PCSK5: variants seen among roughly 807,000 people sequenced by gnomAD.
PCSK5 encodes proprotein convertase subtilisin/kexin type 5.
A neutral mutation model predicts 233.2 loss-of-function variants in PCSK5; 129 were observed. That is an observed-to-expected ratio of 0.55 (90% CI 0.48 to 0.64). The LOEUF (loss-of-function observed/expected upper bound fraction) is 0.64, where lower values mean the gene tolerates loss of function less well. PCSK5 is among the 30% of genes least tolerant of loss of function. The pLI is 0.00. For missense variants in PCSK5, 2,076 were observed against 2,430.1 expected, an observed-to-expected ratio of 0.85 and a Z score of 3.06; for synonymous variants, 825 against 879.2, an observed-to-expected ratio of 0.94 and a Z score of 1.09.
At chr9:76,294,847 C>T (rs1828387217) in intron 25 of PCSK5, among the ~76,000 whole-genome samples, 1 of 152,052 alleles carries the variant, frequency 6.6e-6, no homozygotes, top group Non-Finnish European at 1.5e-5. Context: ...TTCAATTATC[C>T]ACTCCTGTTG....
At chr9:76,072,226 A>G (rs1830505324) in intron 7 of PCSK5, among the ~76,000 whole-genome samples, 1 of 152,220 alleles carries the variant, frequency 6.6e-6, no homozygotes, top group African/African-American at 2.4e-5. Context: ...AAGATATTTA[A>G]CACTCTCCAG....
intron 5 of PCSK5, among the ~76,000 whole-genome samples, chr9:76,058,829 A>G (rs1393521175): frequency 6.6e-6 from 1 of 152,166 alleles, no homozygotes; most frequent in Non-Finnish European, 1.5e-5. Context: ...AACCAGGCAT[A>G]TTTGAAAAGG....
At chr9:76,095,789 A>G in intron 7 of PCSK5, 101 bp from the exon 8 acceptor site, 1 of 1,001,212 alleles carries the variant, frequency 1.0e-6, no homozygotes, top group South Asian at 1.4e-5. Context: ...TAAGATAGCA[A>G]CACACCCCAC....
At chr9:76,065,641 A>G (rs950690660) in intron 5 of PCSK5, among the ~76,000 whole-genome samples, 1 of 152,074 alleles carries the variant, frequency 6.6e-6, no homozygotes, top group Non-Finnish European at 1.5e-5. Context: ...TGCTTTGCAG[A>G]AGGTTTTTAG....
At chr9:75,928,143 G>A (rs1168040488) in intron 1 of PCSK5, among the ~76,000 whole-genome samples, 3 of 152,192 alleles carry the variant, frequency 2.0e-5, no homozygotes, top group Non-Finnish European at 4.4e-5. Context: ...AGGAGCTTTA[G>A]AGGGCTAAGA....
intron 1 of PCSK5, among the ~76,000 whole-genome samples, chr9:75,924,938 A>G (rs1308647419): frequency 6.6e-6 from 1 of 152,122 alleles, no homozygotes; most frequent in Non-Finnish European, 1.5e-5. Context: ...CTGCTTTCTC[A>G]TGTGTAGACT....
At position 76,085,956 on chromosome 9, in the gene PCSK5, C is replaced by A. The variant is rs536556001; in HGVS notation, c.895-9934C>A. Among the ~76,000 whole-genome samples the A allele has an allele frequency of 2.0e-5, 3 of 152,296 alleles. No individual in the cohort carries two copies. In the South Asian group the frequency reaches 6.2e-4, roughly 32 times the overall value. ...TATTTACAGTAAGTTCCTTTCATAC[C>A]TCTGTCAATAATAAATGTTTTTATT... On this transcript the variant is annotated intron_variant, in intron 7 of 37. Coordinates refer to ENST00000674117, the MANE Select transcript of PCSK5 (RefSeq NM_001372043.1).
chr9:76,203,352 C>A (rs1378894752), intron 20 of PCSK5, among the ~76,000 whole-genome samples: 8 of 151,986 alleles, frequency 5.3e-5, no homozygotes, highest in Non-Finnish European at 1.0e-4. Flanking sequence ...CCTGGGTACT[C>A]ACTGTTGACA....
chr9:75,969,872 C>CTTT (rs35326945), intron 2 of PCSK5, among the ~76,000 whole-genome samples: 3 of 138,438 alleles, frequency 2.2e-5, no homozygotes, highest in African/African-American at 5.4e-5. Context: ...TCCAGAAATC[C>CTTT]TTTTTTTTTT....
intron 24 of PCSK5, among the ~76,000 whole-genome samples, chr9:76,263,827 A>G (rs1166211903): frequency 1.3e-5 from 2 of 152,174 alleles, no homozygotes; most frequent in Non-Finnish European, 2.9e-5. Context: ...AAACAAATGG[A>G]AAAATATCCC....
intron 7 of PCSK5, among the ~76,000 whole-genome samples, chr9:76,073,719 G>T (rs1018459717): frequency 8.4e-6 from 1 of 118,820 alleles, no homozygotes; most frequent in African/African-American, 4.0e-5. Context: ...TCATGAATGC[G>T]CATATATATA....
chr9:76,124,850 C>G (rs941316154), intron 9 of PCSK5, among the ~76,000 whole-genome samples: 16 of 151,462 alleles, frequency 1.1e-4, no homozygotes, highest in African/African-American at 3.9e-4. Flanking sequence ...TCAATTTACT[C>G]TTTCCTGTGC....
chr9:76,226,173 C>T (rs989021292), intron 20 of PCSK5, among the ~76,000 whole-genome samples: 2 of 152,204 alleles, frequency 1.3e-5, no homozygotes, highest in African/African-American at 4.8e-5. Flanking sequence ...GTTTGCATCA[C>T]TCTGAACATG....
intron 24 of PCSK5, among the ~76,000 whole-genome samples, chr9:76,257,370 G>T (rs996211182): frequency 6.6e-6 from 1 of 152,162 alleles, no homozygotes; most frequent in African/African-American, 2.4e-5. Context: ...GATAAGACAG[G>T]AGCATCTGCA....
chr9:76,074,465 C>T (rs1286423621), intron 7 of PCSK5, among the ~76,000 whole-genome samples: 1 of 152,146 alleles, frequency 6.6e-6, no homozygotes, highest in Non-Finnish European at 1.5e-5. Flanking sequence ...CATAGCATTG[C>T]ACATCTAAAT....
rs540261218 is a variant in PCSK5, at chr9:76,144,413, G to C, written c.1312+10201G>C. Among the ~76,000 whole-genome samples the C allele has an allele frequency of 3.9e-5, 6 of 152,196 alleles. No homozygotes were observed. The South Asian group carries it at 1.2e-3, about 31-fold the overall frequency. ...TGAATTGCAGTCACATATCATGAAA[G>C]AATCAGAGAAGATAGCTAAAAACAT... is the stretch of plus-strand genomic sequence containing the variant. On this transcript the variant is annotated intron_variant, in intron 10 of 37. Coordinates refer to ENST00000674117, the MANE Select transcript of PCSK5 (RefSeq NM_001372043.1).
chr9:75,988,752 G>T (rs1295312524), intron 3 of PCSK5, among the ~76,000 whole-genome samples: 1 of 152,008 alleles, frequency 6.6e-6, no homozygotes, highest in Non-Finnish European at 1.5e-5. Context: ...ACAAATGCAT[G>T]TGTTAAAATT....
chr9:76,176,636 AT>A (rs1823628897), intron 14 of PCSK5, among the ~76,000 whole-genome samples: 1 of 152,134 alleles, frequency 6.6e-6, no homozygotes, highest in Non-Finnish European at 1.5e-5. Flanking sequence ...CAATCTTTTA[AT>A]TTTATGTAGT....
intron 1 of PCSK5, among the ~76,000 whole-genome samples, chr9:75,900,718 T>C (rs1380725693): frequency 6.7e-6 from 1 of 149,496 alleles, no homozygotes; most frequent in African/African-American, 2.4e-5. Context: ...TTTTTTTTTT[T>C]ACCCTGCAGT....
Sources: allele counts gnomAD v4.1 joint callset (sites outside exome capture counted in the v4.1 genomes callset), GRCh38; gene constraint gnomAD v4.1.1; transcripts MANE v1.5; gene names NCBI Gene and HGNC (gene_info 2026-07-23, HGNC 2026-07-21).